The following TENM2 variants were observed in gnomAD, a reference collection of about 807,000 sequenced individuals.
The protein encoded by TENM2 is teneurin-2.
A neutral mutation model predicts 245.2 loss-of-function variants in TENM2; 52 were observed. The ratio of observed to expected loss-of-function variants is 0.21; its 90% CI spans 0.17 to 0.27. The LOEUF (loss-of-function observed/expected upper bound fraction) is 0.27, where lower values mean the gene tolerates loss of function less well. Ranked by LOEUF, TENM2 falls within the 10% of genes least tolerant of loss-of-function variation. TENM2 has a pLI of 1.00. For synonymous variants in TENM2, 1,363 were observed against 1,438.9 expected, an observed-to-expected ratio of 0.95 and a Z score of 1.19; for missense variants, 3,046 against 3,666.8, an observed-to-expected ratio of 0.83 and a Z score of 4.37.
intron 3 of TENM2, among the ~76,000 whole-genome samples, chr5:167,916,481 A>T (rs1478381458): frequency 6.6e-6 from 1 of 152,284 alleles, no homozygotes; most frequent in Non-Finnish European, 1.5e-5. Context: ...GAAATCATCA[A>T]TCCCGGGGAG....
At chr5:167,905,951 T>G (rs964031528) in intron 3 of TENM2, among the ~76,000 whole-genome samples, 3 of 152,198 alleles carry the variant, frequency 2.0e-5, no homozygotes, top group African/African-American at 7.2e-5. Context: ...AAGGAAAAAC[T>G]GTTAGGAGCT....
chr5:167,377,007 C>T (rs371945478), intron 2 of TENM2, among the ~76,000 whole-genome samples: 1 of 152,098 alleles, frequency 6.6e-6, no homozygotes, highest in African/African-American at 2.4e-5. Flanking sequence ...ATAGAGGGAA[C>T]CGTCTATACA....
the TENM2 span, among the ~76,000 whole-genome samples, chr5:167,123,520 G>A: frequency 2.0e-5 from 3 of 152,160 alleles, no homozygotes; most frequent in African/African-American, 7.2e-5. Flanking sequence ...ATAAACCTGT[G>A]ATATAACTCA....
intron 2 of TENM2, among the ~76,000 whole-genome samples, chr5:167,437,958 T>C (rs1022650066): frequency 6.6e-6 from 1 of 152,202 alleles, no homozygotes; most frequent in Non-Finnish European, 1.5e-5. Context: ...CTAATACAGA[T>C]ACATTGAAGT....
At chr5:168,021,775 CTTTT>C (rs10563117) in intron 5 of TENM2, among the ~76,000 whole-genome samples, 7,932 of 143,496 alleles carry the variant, frequency 0.055, 338 homozygotes, top group African/African-American at 0.12. Flanking sequence ...TATTTGAAAT[CTTTT>C]TTTTTTTTTT....
At chr5:168,033,781 CT>C (rs1383543165) in intron 5 of TENM2, among the ~76,000 whole-genome samples, 1 of 151,978 alleles carries the variant, frequency 6.6e-6, no homozygotes, top group African/African-American at 2.4e-5. Context: ...AATCCCAGCA[CT>C]TTGGGATTCT....
chr5:167,593,749 G>A (rs1776027188), intron 2 of TENM2, among the ~76,000 whole-genome samples: 1 of 152,182 alleles, frequency 6.6e-6, no homozygotes, highest in Admixed American at 6.5e-5. Context: ...CCTGAAATTG[G>A]AAAGAATCTC....
the TENM2 span, among the ~76,000 whole-genome samples, chr5:167,129,014 C>T: frequency 6.6e-6 from 1 of 152,144 alleles, no homozygotes; most frequent in East Asian, 1.9e-4. Flanking sequence ...GTCCACGACC[C>T]CTGTGTTGGT....
intron 2 of TENM2, among the ~76,000 whole-genome samples, chr5:167,561,371 A>T (rs769489089): frequency 1.3e-5 from 2 of 152,200 alleles, no homozygotes; most frequent in African/African-American, 2.4e-5. Context: ...TCATTGTATA[A>T]ATAACATTCT....
In TENM2 at chr5:167,772,638, T is replaced by G. The variant is rs546690224; in HGVS notation, c.503-103348T>G. 4.0e-5 allele frequency among the ~76,000 whole-genome samples: 6 copies of G among 151,094 alleles called. No individual in the cohort carries two copies. In the South Asian group the frequency reaches 8.3e-4, roughly 21 times the overall value. ...AGTATCAGACCCACTTTTTTTTTTT[T>G]GCAGTTTATAATACAAAAAGCACCC... On this transcript the variant is annotated intron_variant, in intron 2 of 28. Coordinates refer to ENST00000518659, the Ensembl canonical transcript of TENM2.
At chr5:167,760,807 C>A (rs1248209217) in intron 2 of TENM2, among the ~76,000 whole-genome samples, 1 of 152,142 alleles carries the variant, frequency 6.6e-6, no homozygotes, top group Non-Finnish European at 1.5e-5. Flanking sequence ...GCGCGTGCCA[C>A]GATGCCTGGC....
At chr5:167,437,163 G>C (rs1473251839) in intron 2 of TENM2, among the ~76,000 whole-genome samples, 3 of 152,148 alleles carry the variant, frequency 2.0e-5, no homozygotes, top group Non-Finnish European at 2.9e-5. Context: ...CAGCCAGGAG[G>C]GGGGCTATAC....
chr5:167,729,138 C>T (rs1394334783), intron 2 of TENM2: 1 of 152,160 alleles, frequency 6.6e-6, no homozygotes, highest in Non-Finnish European at 1.5e-5. Context: ...AGCTTTCTAC[C>T]CATAAGTAGC....
intron 2 of TENM2, among the ~76,000 whole-genome samples, chr5:167,547,304 C>T (rs1772627242): frequency 6.6e-6 from 1 of 152,136 alleles, no homozygotes; most frequent in South Asian, 2.1e-4. Context: ...CACCTGACCT[C>T]AGATGATCCA....
the TENM2 span, among the ~76,000 whole-genome samples, chr5:167,008,857 T>C: frequency 8.5e-5 from 13 of 152,256 alleles, no homozygotes; most frequent in East Asian, 2.3e-3. Flanking sequence ...TGTGCACAAC[T>C]TGAGTGAATG....
the TENM2 span, among the ~76,000 whole-genome samples, chr5:167,144,044 TGA>T: frequency 6.6e-6 from 1 of 152,126 alleles, no homozygotes; most frequent in Non-Finnish European, 1.5e-5. Context: ...GTATTCACAT[TGA>T]AATGAGGGGG....
intron 2 of TENM2, among the ~76,000 whole-genome samples, chr5:167,423,373 G>T (rs1360959578): frequency 6.6e-6 from 1 of 152,136 alleles, no homozygotes; most frequent in Non-Finnish European, 1.5e-5. Context: ...TGGACTTATT[G>T]TTGGTAAACT....
chr5:167,928,982 G>C, intron 3 of TENM2, among the ~76,000 whole-genome samples: 1 of 143,394 alleles, frequency 7.0e-6, no homozygotes, highest in African/African-American at 2.6e-5. Context: ...GGAAGGAAGG[G>C]AGGGAGGGAA....
At chr5:168,130,329 C>CTGTT (rs1754461407) in intron 12 of TENM2, 1 of 152,178 alleles carries the variant, frequency 6.6e-6, no homozygotes, top group South Asian at 2.1e-4. Context: ...CAAGCAATGA[C>CTGTT]TGTTATATAA....
Sources: gnomAD v4.1 joint callset for allele counts (sites outside exome capture counted in the v4.1 genomes callset) on GRCh38, gnomAD v4.1.1 for gene constraint, MANE v1.5 for transcripts, NCBI Gene and HGNC (gene_info 2026-07-23, HGNC 2026-07-21) for gene names.